The following ANKRD10 variants were observed in gnomAD, a reference collection of about 807,000 sequenced individuals.
ANKRD10 encodes ankyrin repeat domain-containing protein 10.
ANKRD10 carries 14 observed loss-of-function variants against 27.0 expected under a neutral mutation model. The ratio of observed to expected loss-of-function variants is 0.52; its 90% CI spans 0.34 to 0.81. The LOEUF (loss-of-function observed/expected upper bound fraction) is 0.81, where lower values mean the gene tolerates loss of function less well. Ranked by LOEUF, ANKRD10 falls within the 40% of genes least tolerant of loss-of-function variation. ANKRD10 has a pLI of 0.01. For missense variants in ANKRD10, 493 were observed against 544.0 expected, an observed-to-expected ratio of 0.91 and a Z score of 0.93; for synonymous variants, 250 against 224.5, an observed-to-expected ratio of 1.11 and a Z score of -1.01.
chr13:110,883,741 A>C lies in ANKRD10; in HGVS notation c.744T>G (p.Asp248Glu). 1 of 1,614,204 alleles carries C rather than the reference A, an allele frequency of 6.2e-7. No homozygotes were observed. Among genetic ancestry groups the C allele is most frequent in the Non-Finnish European group, 8.5e-7 (1 of 1,180,030 alleles). The change falls in exon 5 of 6, where the codon GAT (aspartate) becomes GAG (glutamate). Residue 248 changes from aspartate to glutamate, a missense_variant. By Grantham distance (45) the Asp-to-Glu change is conservative. Transcript: ENST00000267339. Reference sequence around the variant, plus strand: ...CCCTATCAACGTGCATTTTGTCAGCATCGTCTTCTGTGTCGCCATTCGTGA... The same window carrying C: ...CCCTATCAACGTGCATTTTGTCAGCCTCGTCTTCTGTGTCGCCATTCGTGA... ...VPLTNGDTEDDADKMHVDREF... is the reference protein window; with the variant it reads ...VPLTNGDTEDEADKMHVDREF...
At position 110,879,898 on chromosome 13, in the gene ANKRD10, T is replaced by C; in HGVS notation, c.1002A>G (p.Pro334=). Residue 334 remains proline, a synonymous_variant, in exon 6 of 6, where the codon CCA becomes CCG. Coordinates refer to ENST00000267339, the MANE Select transcript of ANKRD10 (RefSeq NM_017664.4). ...CAGGGTTAGCTCTCAGGGTCTTCTC[T>C]GGCTCCTCAGTCCCACTAATGCAGA... ...GSLCISGTEE[P]EKTLRANPEL... 6.2e-7 allele frequency: 1 copy of C among 1,613,142 alleles called. No homozygotes were observed.
At chr13:110,884,502 C>T (rs2064879909) in intron 4 of ANKRD10, among the ~76,000 whole-genome samples, 1 of 152,338 alleles carries the variant, frequency 6.6e-6, no homozygotes, top group Middle Eastern at 3.4e-3. Flanking sequence ...TGTGTCTGAA[C>T]GGCTTCTCGT....
chr13:110,883,883 C>A, intron 4 of ANKRD10, 90 bp from the exon 5 acceptor site: 13 of 1,365,932 alleles, frequency 9.5e-6, no homozygotes, highest in South Asian at 1.3e-5. Flanking sequence ...TGTGTGAGCA[C>A]TGAACACTTT....
intron 3 of ANKRD10, among the ~76,000 whole-genome samples, chr13:110,897,789 G>A (rs1302198991): frequency 6.6e-6 from 1 of 152,046 alleles, no homozygotes; most frequent in East Asian, 1.9e-4. Context: ...TCTCCATAAC[G>A]GTTGTACAAG....
At chr13:110,892,133 C>A (rs2065090795) in intron 4 of ANKRD10, among the ~76,000 whole-genome samples, 1 of 149,130 alleles carries the variant, frequency 6.7e-6, no homozygotes, top group Admixed American at 6.7e-5. Context: ...AAACAAAAAA[C>A]AAAAAACCCA....
At chr13:110,898,896 C>T (rs761203918) in intron 3 of ANKRD10, among the ~76,000 whole-genome samples, 4 of 151,754 alleles carry the variant, frequency 2.6e-5, no homozygotes, top group Admixed American at 1.3e-4. Context: ...GCTGGTATTA[C>T]AAGCGCCCAC....
chr13:110,909,983 G>A (rs939730097), intron 2 of ANKRD10, among the ~76,000 whole-genome samples: 2 of 152,212 alleles, frequency 1.3e-5, no homozygotes, highest in African/African-American at 4.8e-5. Flanking sequence ...ACTGCTCCCA[G>A]TCAGACAACC....
chr13:110,888,290 T>C (rs754982965), intron 4 of ANKRD10, among the ~76,000 whole-genome samples: 7 of 151,432 alleles, frequency 4.6e-5, no homozygotes, highest in Non-Finnish European at 1.0e-4. Context: ...CTCAGGCCCA[T>C]GAGGTTTGCT....
intron 3 of ANKRD10, chr13:110,900,793 G>A: frequency 2.7e-6 from 2 of 744,374 alleles, no homozygotes; most frequent in Non-Finnish European, 2.0e-6. Context: ...AAATAATAAG[G>A]GATCACATAT....
rs777606046 is a variant in ANKRD10, at chr13:110,879,998, T to C, written c.902A>G (p.Gln301Arg). The C allele has an allele frequency of 5.0e-6, 8 of 1,614,114 alleles. No homozygotes were observed. In the African/African-American group the frequency reaches 9.3e-5, roughly 19 times the overall value. ...AATTCCGTTAGTTCCTGTCAAGCAC[T>C]GGCCATTCCTGCTTTCCATCCCACT... is the stretch of plus-strand genomic sequence containing the variant. ...PLSGMESRNG[Q>R]CLTGTNGISS... Residue 301 changes from glutamine (Q) to arginine (R), a missense_variant, in exon 6 of 6, where the codon CAG becomes CGG. Gln to Arg is a conservative substitution (Grantham distance 43, BLOSUM62 1). Transcript: ENST00000267339.
chr13:110,905,242 G>A (rs1332420267), intron 3 of ANKRD10: 1 of 152,040 alleles, frequency 6.6e-6, no homozygotes, highest in Non-Finnish European at 1.5e-5. Context: ...AACTGCAGAA[G>A]AAAAATTTTT....
At position 110,914,993 on chromosome 13, in the gene ANKRD10, G is replaced by A; in HGVS notation, c.-59C>T. 2 of 1,492,746 alleles carry A rather than the reference G, an allele frequency of 1.3e-6. No individual in the cohort carries two copies. The highest frequency in any genetic ancestry group is 1.8e-6 in the Non-Finnish European group (2 of 1,126,176). 92.5% of individuals were successfully genotyped at this position (1,492,746 alleles called of 1,614,324 possible). A position where few individuals can be genotyped will look rare whatever the true frequency, so the allele number is the denominator to read the frequency against. On this transcript the variant is annotated 5_prime_UTR_variant, in exon 1 of 6. Transcript: ENST00000267339. ...CTAGAGGACGCGTCGGGGAGGACTC[G>A]AGAAGCCGCCGCCGCAGCACAAAGG...
chr13:110,879,686 C>A lies in ANKRD10; in HGVS notation c.1214G>T (p.Arg405Leu). 1 of 1,614,042 alleles carries A rather than the reference C, an allele frequency of 6.2e-7. No homozygotes were observed. The highest frequency in any genetic ancestry group is 1.1e-5 in the South Asian group (1 of 91,034). Reference sequence around the variant, plus strand: ...GGTGCCCAGCACGGCACTGTCGTACCGCTCCTGCACCTTCACGGACTTGGA... The same window carrying A: ...GGTGCCCAGCACGGCACTGTCGTACAGCTCCTGCACCTTCACGGACTTGGA... ...EHSKSVKVQERYDSAVLGTMH... is the reference protein window; with the variant it reads ...EHSKSVKVQELYDSAVLGTMH... Residue 405 changes from arginine to leucine, a missense_variant, in exon 6 of 6, where the codon CGG (arginine) becomes CTG (leucine). By Grantham distance (102) the Arg-to-Leu change is moderately radical. Coordinates refer to ENST00000267339, the MANE Select transcript of ANKRD10 (RefSeq NM_017664.4).
intron 3 of ANKRD10, 67 bp downstream of exon 3, chr13:110,905,966 T>C: frequency 1.4e-6 from 2 of 1,413,556 alleles, no homozygotes; most frequent in Non-Finnish European, 9.7e-7. Context: ...CCTGCTTATG[T>C]ACTGCCTTTA....
intron 2 of ANKRD10, 83 bp downstream of exon 2, chr13:110,910,535 T>A: frequency 6.6e-7 from 1 of 1,518,264 alleles, no homozygotes; most frequent in Non-Finnish European, 8.9e-7. Context: ...AATTAAGGCC[T>A]CGATTTAAAG....
At chr13:110,908,128 C>A (rs527426091) in intron 2 of ANKRD10, among the ~76,000 whole-genome samples, 2 of 152,278 alleles carry the variant, frequency 1.3e-5, no homozygotes, top group South Asian at 4.1e-4. Flanking sequence ...AGTCACATCG[C>A]AGCCACAGCA....
At chr13:110,898,907 C>G (rs2065306722) in intron 3 of ANKRD10, 1 of 152,286 alleles carries the variant, frequency 6.6e-6, no homozygotes, top group South Asian at 2.1e-4. Flanking sequence ...AAGCGCCCAC[C>G]ACCACACCCA....
At chr13:110,884,422 T>C (rs1261722047) in intron 4 of ANKRD10, among the ~76,000 whole-genome samples, 1 of 152,214 alleles carries the variant, frequency 6.6e-6, no homozygotes, top group African/African-American at 2.4e-5. Context: ...CCCCATGTCA[T>C]ACCCACGCTG....
intron 1 of ANKRD10, 106 bp downstream of exon 1, chr13:110,914,619 G>T: frequency 7.0e-7 from 1 of 1,422,898 alleles, no homozygotes; most frequent in Non-Finnish European, 9.3e-7. Context: ...TCCCGCTTCC[G>T]CCCCGCGATC....
Sources: gnomAD v4.1 joint callset for allele counts (sites outside exome capture counted in the v4.1 genomes callset) on GRCh38, gnomAD v4.1.1 for gene constraint, MANE v1.5 for transcripts, NCBI Gene and HGNC (gene_info 2026-07-23, HGNC 2026-07-21) for gene names.